Variants in CD226 observed in about 807,000 individuals in gnomAD.
CD226 encodes CD226 antigen.
Under a neutral mutation model 34.9 loss-of-function variants are expected in CD226, and 24 were observed. The observed-to-expected ratio is 0.69, with a 90% CI of 0.50 to 0.97. The LOEUF is 0.97. Ranked by LOEUF, CD226 falls within the 50% of genes least tolerant of loss-of-function variation. The pLI is 0.00. For synonymous variants in CD226, 148 were observed against 147.4 expected (o/e 1.00, Z -0.03); for missense variants, 397 against 412.7 (o/e 0.96, Z 0.33).
At chr18:69,920,022 C>T (rs529689587) in intron 2 of CD226, among the ~76,000 whole-genome samples, 7 of 152,222 alleles carry the variant, frequency 4.6e-5, no homozygotes, top group Admixed American at 2.0e-4. Flanking sequence ...TGCCACCACA[C>T]TCAGCTAATT....
upstream of CD226, among the ~76,000 whole-genome samples, chr18:69,948,598 T>C (rs907889844): frequency 1.3e-5 from 2 of 152,194 alleles, no homozygotes; most frequent in African/African-American, 2.4e-5. Context: ...CAGAACAAAA[T>C]TGTAATGTGT....
intron 1 of CD226, among the ~76,000 whole-genome samples, chr18:69,953,905 C>T (rs2145384200): frequency 6.6e-6 from 1 of 150,772 alleles, no homozygotes; most frequent in South Asian, 2.1e-4. Context: ...GAGGCTGAGA[C>T]AGGAGAATCG....
In CD226 at chr18:69,856,113, ATG is replaced by A. The variant is rs1377768687; in HGVS notation, c.*8199_*8200del. ...ATAATTTAAAATTAAAAGGATAAAGATGTGAGATGCTAATGTTAATTTTTTAA... is the reference window on the plus strand; with the variant it reads ...ATAATTTAAAATTAAAAGGATAAAGATGAGATGCTAATGTTAATTTTTTAA... On this transcript the variant is annotated 3_prime_UTR_variant, in exon 6 of 6. Coordinates refer to ENST00000582621, the MANE Select transcript of CD226 (RefSeq NM_001303618.2). 1.3e-5 allele frequency: 2 copies of A among 152,238 alleles called. No homozygotes were observed. Among genetic ancestry groups the A allele is most frequent in the Middle Eastern group, 3.4e-3 (1 of 294 alleles). 9.4% of individuals were successfully genotyped at this position (152,238 alleles called of 1,614,324 possible).
rs1982566667 is a variant in CD226 at position 69,854,840 on chromosome 18, G to C, written c.*9474C>G. Reference sequence around the variant, plus strand: ...CCACAGCTTAGTACTACACCAACAGGGCTCCAGTATAGTAACAGTGAATTG... The same window carrying C: ...CCACAGCTTAGTACTACACCAACAGCGCTCCAGTATAGTAACAGTGAATTG... On this transcript the variant is annotated 3_prime_UTR_variant, in exon 6 of 6. Transcript: ENST00000582621. 6.6e-6 allele frequency: 1 copy of C among 152,144 alleles called. No individual in the cohort carries two copies. The highest frequency in any genetic ancestry group is 6.5e-5 in the Admixed American group (1 of 15,274). 9.4% of individuals were successfully genotyped at this position (152,144 alleles called of 1,614,324 possible). A position where few individuals can be genotyped will look rare whatever the true frequency, so the allele number is the denominator to read the frequency against.
At chr18:69,931,925 G>A (rs185518427) in intron 2 of CD226, among the ~76,000 whole-genome samples, 1 of 152,060 alleles carries the variant, frequency 6.6e-6, no homozygotes, top group Non-Finnish European at 1.5e-5. Context: ...TCGCAATTCT[G>A]CAGGCTAGAA....
At chr18:69,880,055 GT>G (rs1238831544) in intron 3 of CD226, among the ~76,000 whole-genome samples, 1 of 152,036 alleles carries the variant, frequency 6.6e-6, no homozygotes, top group Non-Finnish European at 1.5e-5. Context: ...TTGGGAATAT[GT>G]TTTTTCTCTT....
chr18:69,920,744 C>T (rs187375062), intron 2 of CD226, among the ~76,000 whole-genome samples: 303 of 152,300 alleles, frequency 2.0e-3, no homozygotes, highest in Non-Finnish European at 3.7e-3. Flanking sequence ...TTATGACTCT[C>T]ATTTTAAAGA....
At chr18:69,939,071 G>A (rs1312566348) in intron 2 of CD226, among the ~76,000 whole-genome samples, 1 of 152,214 alleles carries the variant, frequency 6.6e-6, no homozygotes, top group African/African-American at 2.4e-5. Flanking sequence ...GGGCAACAGA[G>A]TGAGACTCTG....
At chr18:69,932,478 C>A (rs908889716) in intron 2 of CD226, among the ~76,000 whole-genome samples, 1 of 152,312 alleles carries the variant, frequency 6.6e-6, no homozygotes, top group Admixed American at 6.5e-5. Context: ...GGAGCTCCTG[C>A]TGATCACACA....
intron 2 of CD226, among the ~76,000 whole-genome samples, chr18:69,928,862 A>G (rs2055555248): frequency 6.6e-6 from 1 of 152,214 alleles, no homozygotes; most frequent in Non-Finnish European, 1.5e-5. Context: ...TCTACAATTC[A>G]GAAATGCAGA....
At chr18:69,945,756 C>CATTTT (rs2055781117) in intron 2 of CD226, among the ~76,000 whole-genome samples, 1 of 152,066 alleles carries the variant, frequency 6.6e-6, no homozygotes. Flanking sequence ...TGAAGATATT[C>CATTTT]CCAAGACTGG....
At chr18:69,885,544 C>T (rs966735210) in intron 3 of CD226, among the ~76,000 whole-genome samples, 4 of 152,026 alleles carry the variant, frequency 2.6e-5, no homozygotes, top group African/African-American at 9.7e-5. Flanking sequence ...GTGGACTTTC[C>T]CACACAGGAA....
chr18:69,907,305 G>A (rs17090532), intron 2 of CD226, among the ~76,000 whole-genome samples: 4,758 of 152,228 alleles, frequency 0.031, 270 homozygotes, highest in African/African-American at 0.11. Flanking sequence ...CCTGGAACCA[G>A]ATTCCTAAAT....
At chr18:69,924,499 A>G (rs2055495069) in intron 2 of CD226, among the ~76,000 whole-genome samples, 1 of 151,808 alleles carries the variant, frequency 6.6e-6, no homozygotes, top group Admixed American at 6.6e-5. Context: ...TGGTTAAAAA[A>G]GTAAAAGTAT....
intron 1 of CD226, among the ~76,000 whole-genome samples, chr18:69,955,100 G>C (rs904732527): frequency 6.1e-5 from 9 of 146,494 alleles, no homozygotes; most frequent in African/African-American, 2.2e-4. Context: ...TCTGAATGCA[G>C]ACTCCTAGGT....
chr18:69,923,211 G>A (rs2055474883), intron 2 of CD226, among the ~76,000 whole-genome samples: 1 of 150,766 alleles, frequency 6.6e-6, no homozygotes, highest in African/African-American at 2.4e-5. Context: ...AGGAAGGAAA[G>A]GGAGAAAGAA....
At chr18:69,937,087 G>A (rs955457690) in intron 2 of CD226, among the ~76,000 whole-genome samples, 5 of 152,292 alleles carry the variant, frequency 3.3e-5, no homozygotes, top group South Asian at 2.1e-4. Context: ...TGCAAATACC[G>A]TAAGATAGGT....
At chr18:69,870,925 C>T (rs892198361) in intron 4 of CD226, among the ~76,000 whole-genome samples, 2 of 152,160 alleles carry the variant, frequency 1.3e-5, no homozygotes, top group Admixed American at 6.5e-5. Flanking sequence ...ATACTAGTGA[C>T]GAGGCAGAAG....
chr18:69,895,796 T>A lies in CD226; in HGVS notation c.632A>T (p.Asp211Val), dbSNP rs1415199165. ...AAGCCCCGAGTCTGAGACTGTGACA[T>A]CGGGGATGACGATGACGCTCCACCT... ...HGRWSVIVIP[D>V]VTVSDSGLYR... Residue 211 changes from aspartate to valine, a missense_variant, in exon 3 of 6, where the codon GAT becomes GTT. Asp to Val is a radical substitution (Grantham distance 152, BLOSUM62 -3). Coordinates refer to ENST00000582621, the MANE Select transcript of CD226 (RefSeq NM_001303618.2). 6.2e-7 allele frequency: 1 copy of A among 1,614,138 alleles called. No individual in the cohort carries two copies. The highest frequency in any genetic ancestry group is 8.5e-7 in the Non-Finnish European group (1 of 1,180,022).
Sources: allele counts gnomAD v4.1 joint callset (sites outside exome capture counted in the v4.1 genomes callset), GRCh38; gene constraint gnomAD v4.1.1; transcripts MANE v1.5; gene names NCBI Gene and HGNC (gene_info 2026-07-23, HGNC 2026-07-21).